Variants in SPIRE2 observed in about 807,000 individuals in gnomAD.
SPIRE2 encodes spire type actin nucleation factor 2, also known as protein spire homolog 2.
In SPIRE2, 76 loss-of-function variants were observed where a neutral mutation model predicts 80.7. That is an observed-to-expected ratio of 0.94 (90% CI 0.78 to 1.14). The LOEUF (loss-of-function observed/expected upper bound fraction) is 1.14, where lower values mean the gene tolerates loss of function less well. Among genes scored for constraint, SPIRE2 ranks in the 50% most tolerant of loss-of-function variants. SPIRE2 has a pLI of 0.00. For missense variants in SPIRE2, 1,196 were observed against 1,015.3 expected (o/e 1.18, Z -2.42); for synonymous variants, 535 against 432.6 (o/e 1.24, Z -2.94).
rs569396838 is a variant in SPIRE2, at chr16:89,857,134, A to C, written c.1102+898A>C. ...TTACAAGGCCATTGGAATTTCCTAT[A>C]TCTTTTTTTTTTTTTTTTTTGAGAT... On this transcript the variant is annotated intron_variant, in intron 7 of 14. Coordinates refer to ENST00000378247, the MANE Select transcript of SPIRE2 (RefSeq NM_032451.2). 1.3e-3 allele frequency among the ~76,000 whole-genome samples: 153 copies of C among 120,428 alleles called. 1 individual carries two copies. The highest frequency in any genetic ancestry group is 4.2e-3 in the Middle Eastern group (1 of 236). 79.0% of individuals were successfully genotyped at this position (120,428 alleles called of 152,430 possible). A position where few individuals can be genotyped will look rare whatever the true frequency, so the allele number is the denominator to read the frequency against.
At chr16:89,855,228 T>C (rs1028864801) in intron 5 of SPIRE2, among the ~76,000 whole-genome samples, 2 of 152,194 alleles carry the variant, frequency 1.3e-5, no homozygotes, top group African/African-American at 2.4e-5. Flanking sequence ...GTGAGCCACC[T>C]GCCTGGCCTG....
At chr16:89,841,142 C>G (rs2041502236) in intron 1 of SPIRE2, among the ~76,000 whole-genome samples, 1 of 151,496 alleles carries the variant, frequency 6.6e-6, no homozygotes. Flanking sequence ...CATGATTACA[C>G]CACTGCACTC....
In SPIRE2 at chr16:89,850,501, C is replaced by T. The variant is rs559014238; in HGVS notation, c.486C>T (p.Pro162=). 1 of 1,527,308 alleles carries T rather than the reference C, an allele frequency of 6.5e-7. No individual in the cohort carries two copies. The highest frequency in any genetic ancestry group is 1.4e-5 in the African/African-American group (1 of 73,302). 94.6% of individuals were successfully genotyped at this position (1,527,308 alleles called of 1,614,324 possible). A position where few individuals can be genotyped will look rare whatever the true frequency, so the allele number is the denominator to read the frequency against. ...AGGAGGAGGAGGCCGAGGGCGTCCC[C>T]CGCAGCGTGCGCACCTTTGCCCAGG... ...PEEEEEAEGV[P]RSVRTFAQAM... Residue 162 remains proline, a synonymous_variant, in exon 3 of 15, where the codon CCC becomes CCT. Coordinates refer to ENST00000378247, the MANE Select transcript of SPIRE2 (RefSeq NM_032451.2).
At chr16:89,856,047 C>T (rs2041687542) in intron 6 of SPIRE2, 66 bp from the exon 7 acceptor site, 1 of 1,583,826 alleles carries the variant, frequency 6.3e-7, no homozygotes, top group Non-Finnish European at 8.6e-7. Flanking sequence ...CGCTTCCCCA[C>T]CGCAGGTCCC....
intron 1 of SPIRE2, among the ~76,000 whole-genome samples, chr16:89,833,973 T>G (rs571431335): frequency 1.3e-5 from 2 of 152,252 alleles, no homozygotes; most frequent in South Asian, 4.1e-4. Flanking sequence ...AGCTGGGGTT[T>G]GTTTGTAGAT....
rs1221329649 is a variant in SPIRE2, at chr16:89,869,566, G to A, written c.1807-1G>A. On this transcript the variant is annotated splice_acceptor_variant, in intron 13 of 14. Transcript: ENST00000378247. LOFTEE classifies it high-confidence loss of function. ...TCATACCTCCTCCCTCTGTGCTGCA[G>A]ATGAAGATGCCTTCTAAGAAATTTG... The A allele has an allele frequency of 6.2e-7, 1 of 1,605,832 alleles. No individual in the cohort carries two copies. Among genetic ancestry groups the A allele is most frequent in the African/African-American group, 1.3e-5 (1 of 74,790 alleles).
intron 1 of SPIRE2, among the ~76,000 whole-genome samples, chr16:89,831,968 G>C (rs372722520): frequency 2.2e-5 from 3 of 139,168 alleles, no homozygotes; most frequent in Non-Finnish European, 3.4e-5. Flanking sequence ...TAGGCAGCAC[G>C]GGGCACCGTG....
chr16:89,831,348 T>A (rs1385444601), intron 1 of SPIRE2, among the ~76,000 whole-genome samples: 1 of 150,794 alleles, frequency 6.6e-6, no homozygotes, highest in African/African-American at 2.4e-5. Context: ...ACCCTATTTT[T>A]TGAATGTTTT....
chr16:89,868,425 C>T lies in SPIRE2; in HGVS notation c.1806+209C>T, dbSNP rs145898020. On this transcript the variant is annotated intron_variant, in intron 13 of 14. Transcript: ENST00000378247. Reference sequence around the variant, plus strand: ...TTTAAACATTGCACGTTAGTAGCCTCGTGCCAAAAAACCCTTCACTTCCCC... The same window carrying T: ...TTTAAACATTGCACGTTAGTAGCCTTGTGCCAAAAAACCCTTCACTTCCCC... Among the ~76,000 whole-genome samples the T allele has an allele frequency of 4.2e-3, 632 of 152,234 alleles. 2 individuals are homozygous for T. Among genetic ancestry groups the T allele is most frequent in the Non-Finnish European group, 6.7e-3 (457 of 68,012 alleles).
In SPIRE2 at chr16:89,863,580, G is replaced by C; in HGVS notation, c.1680G>C (p.Lys560Asn). 6.2e-7 allele frequency: 1 copy of C among 1,614,124 alleles called. No homozygotes were observed. The highest frequency in any genetic ancestry group is 1.6e-4 in the Middle Eastern group (1 of 6,062). The change falls in exon 11 of 15, where the codon AAG (lysine) becomes AAC (asparagine). Residue 560 changes from lysine to asparagine, a missense_variant. Lys to Asn is a moderately conservative substitution (Grantham distance 94). Coordinates refer to ENST00000378247, the MANE Select transcript of SPIRE2 (RefSeq NM_032451.2). This position sits in a 1 kb window ranked among gnomAD's most constrained non-coding sequence, Gnocchi z 4.3. ...AGATGGAAAAGTTTTTGCAGAACAA[G>C]GAGCTCTTCAGCAGTCTGAAGAAGG... ...KAEMEKFLQN[K>N]ELFSSLKKGK...
chr16:89,858,245 G>C, intron 7 of SPIRE2, 93 bp from the exon 8 acceptor site: 1 of 1,323,510 alleles, frequency 7.6e-7, no homozygotes, highest in Non-Finnish European at 1.0e-6. Flanking sequence ...CAAAGTCAGG[G>C]AATTAAGCCA....
At chr16:89,848,305 G>A (rs1434823148) in intron 2 of SPIRE2, among the ~76,000 whole-genome samples, 1 of 152,242 alleles carries the variant, frequency 6.6e-6, no homozygotes, top group Non-Finnish European at 1.5e-5. Flanking sequence ...AGCGCCCTCT[G>A]ACCTTGATTC....
chr16:89,843,420 G>A (rs1025497059), intron 1 of SPIRE2, among the ~76,000 whole-genome samples: 8 of 151,930 alleles, frequency 5.3e-5, no homozygotes, highest in Non-Finnish European at 1.0e-4. Flanking sequence ...ATTTCCACTC[G>A]GACTGTGGTT....
At chr16:89,854,461 AC>A in intron 4 of SPIRE2, 25 bp from the exon 5 acceptor site, 1 of 1,611,200 alleles carries the variant, frequency 6.2e-7, no homozygotes, top group Non-Finnish European at 8.5e-7. Flanking sequence ...TGGGGCTGAG[AC>A]CCATTCTCTT....
At chr16:89,829,196 C>G (rs1437879157) in intron 1 of SPIRE2, among the ~76,000 whole-genome samples, 2 of 152,180 alleles carry the variant, frequency 1.3e-5, no homozygotes, top group Non-Finnish European at 1.5e-5. Flanking sequence ...GAAGCGTCCC[C>G]TTGGGGCATT....
rs774431815 is a variant in SPIRE2 at position 89,863,784 on chromosome 16, C to T, written c.1711-10C>T. Reference sequence around the variant, plus strand: ...GACAAAGCGGGGCTCTAACCAGTCTCTCCTGACAGATTTGCTGCTGCTGCC... The same window carrying T: ...GACAAAGCGGGGCTCTAACCAGTCTTTCCTGACAGATTTGCTGCTGCTGCC... On this transcript the variant is annotated splice_polypyrimidine_tract_variant and intron_variant, in intron 11 of 14. Coordinates refer to ENST00000378247, the MANE Select transcript of SPIRE2 (RefSeq NM_032451.2). This position sits in a 1 kb window ranked among gnomAD's most constrained non-coding sequence, Gnocchi z 4.3. 1 of 1,614,014 alleles carries T rather than the reference C, an allele frequency of 6.2e-7. No homozygotes were observed. The highest frequency in any genetic ancestry group is 8.5e-7 in the Non-Finnish European group (1 of 1,179,940).
chr16:89,856,018 A>ACCACAGGTCCCG lies in SPIRE2; in HGVS notation c.979-94_979-93insCACAGGTCCCGC, dbSNP rs2041687177. ...TCCAGAGTGGGCCCGTGTCATGGTC[A>ACCACAGGTCCCG]CTTCCCCACCACAGGTCCCGCTTCC... On this transcript the variant is annotated intron_variant, in intron 6 of 14. Coordinates refer to ENST00000378247, the MANE Select transcript of SPIRE2 (RefSeq NM_032451.2). 7 of 1,538,824 alleles carry ACCACAGGTCCCG rather than the reference A, an allele frequency of 4.5e-6. No homozygotes were observed. In the African/African-American group the frequency reaches 8.2e-5, roughly 18 times the overall value.
chr16:89,832,496 C>T (rs938508298), intron 1 of SPIRE2, among the ~76,000 whole-genome samples: 3 of 152,146 alleles, frequency 2.0e-5, no homozygotes, highest in South Asian at 2.1e-4. Flanking sequence ...CTGAGTCTCC[C>T]TCTGGAAGCC....
chr16:89,850,249 C>A, intron 2 of SPIRE2, 55 bp from the exon 3 acceptor site: 1 of 1,518,992 alleles, frequency 6.6e-7, no homozygotes, highest in East Asian at 2.3e-5. Flanking sequence ...CAGCCGCGTT[C>A]TCCCCGCCCC....
Sources: gnomAD v4.1 joint callset for allele counts (sites outside exome capture counted in the v4.1 genomes callset) on GRCh38, gnomAD v4.1.1 for gene constraint, Gnocchi (gnomAD v3.1) non-coding constraint, MANE v1.5 for transcripts, NCBI Gene and HGNC (gene_info 2026-07-23, HGNC 2026-07-21) for gene names.